The following RIC1 variants were observed in gnomAD, a reference collection of about 807,000 sequenced individuals.
The protein encoded by RIC1 is guanine nucleotide exchange factor subunit RIC1.
Under a neutral mutation model 169.0 loss-of-function variants are expected in RIC1, and 88 were observed. The ratio of observed to expected loss-of-function variants is 0.52; its 90% CI spans 0.44 to 0.62. The LOEUF (loss-of-function observed/expected upper bound fraction) is 0.62. RIC1 is among the 20% of genes least tolerant of loss of function. The pLI is 0.00. For missense variants in RIC1, 1,877 were observed against 1,725.5 expected (o/e 1.09, Z -1.56); for synonymous variants, 790 against 601.5 (o/e 1.31, Z -4.59).
chr9:5,763,028 C>T lies in RIC1; in HGVS notation c.2113-112C>T. 2 of 1,323,546 alleles carry T rather than the reference C, an allele frequency of 1.5e-6. No individual in the cohort carries two copies. The highest frequency in any genetic ancestry group is 2.7e-4 in the Middle Eastern group (1 of 3,646). 82.0% of individuals were successfully genotyped at this position (1,323,546 alleles called of 1,614,324 possible). On this transcript the variant is annotated intron_variant, in intron 18 of 25. Transcript: ENST00000414202. This position sits in a 1 kb window ranked among gnomAD's most constrained non-coding sequence, Gnocchi z 5.2. ...TTCTAATTAGATCCCTTTGCTTTTC[C>T]CAAAAAAATATTATACTATCATTTG...
At chr9:5,722,368 T>TG (rs1248120900) in intron 6 of RIC1, among the ~76,000 whole-genome samples, 4 of 151,094 alleles carry the variant, frequency 2.6e-5, no homozygotes, top group African/African-American at 9.8e-5. Context: ...TGTGTGTGTG[T>TG]GTGTGTGTGT....
At chr9:5,714,897 A>C (rs1823140168) in intron 4 of RIC1, among the ~76,000 whole-genome samples, 1 of 152,154 alleles carries the variant, frequency 6.6e-6, no homozygotes, top group Non-Finnish European at 1.5e-5. Flanking sequence ...GAATTATATG[A>C]ATGTCATGCT....
At chr9:5,647,045 C>A (rs548161595) in intron 1 of RIC1, among the ~76,000 whole-genome samples, 1 of 152,278 alleles carries the variant, frequency 6.6e-6, no homozygotes, top group African/African-American at 2.4e-5. Context: ...GTTTTCCCAG[C>A]ACTGTTTGTT....
chr9:5,770,116 G>A lies in RIC1; in HGVS notation c.3454G>A (p.Ala1152Thr). 1 of 1,613,256 alleles carries A rather than the reference G, an allele frequency of 6.2e-7. No individual in the cohort carries two copies. The highest frequency in any genetic ancestry group is 8.5e-7 in the Non-Finnish European group (1 of 1,179,628). ...AGAGCAGCTGTTAAAGTCTCAATCA[G>A]CTGACCCATTTTTGAACCTTGAGAT... is the stretch of plus-strand genomic sequence containing the variant. ...VGEQLLKSQS[A>T]DPFLNLEMDA... The change falls in exon 23 of 26, where the codon GCT becomes ACT. Residue 1152 changes from alanine to threonine, a missense_variant. Transcript: ENST00000414202.
chr9:5,641,544 G>T (rs1213619579), intron 1 of RIC1, among the ~76,000 whole-genome samples: 2 of 151,916 alleles, frequency 1.3e-5, no homozygotes, highest in Admixed American at 1.3e-4. Context: ...TCCTCTTTAA[G>T]GCCAATACCT....
At position 5,743,601 on chromosome 9, in the gene RIC1, C is replaced by G. The variant is rs192083222; in HGVS notation, c.1047-88C>G. On this transcript the variant is annotated intron_variant, in intron 9 of 25. Transcript: ENST00000414202. ...TATTTCTATTTTAAAGGAGCAAAAT[C>G]CGTTTGATTTTTTAAAAAACACTAA... The G allele has an allele frequency of 2.4e-5, 25 of 1,056,832 alleles. No individual in the cohort carries two copies. The East Asian group carries it at 3.9e-4, about 16-fold the overall frequency. 65.5% of individuals were successfully genotyped at this position (1,056,832 alleles called of 1,614,324 possible). A position where few individuals can be genotyped will look rare whatever the true frequency, so the allele number is the denominator to read the frequency against.
chr9:5,725,579 G>A (rs1270584970), intron 6 of RIC1, among the ~76,000 whole-genome samples: 4 of 151,966 alleles, frequency 2.6e-5, no homozygotes, highest in Non-Finnish European at 5.9e-5. Flanking sequence ...TCTGATCTTA[G>A]TTATTTCTTA....
chr9:5,684,866 A>C (rs1821114783), intron 2 of RIC1, among the ~76,000 whole-genome samples: 1 of 152,186 alleles, frequency 6.6e-6, no homozygotes, highest in Non-Finnish European at 1.5e-5. Flanking sequence ...GAGAATTTTT[A>C]ATCAGGAATG....
downstream of RIC1, among the ~76,000 whole-genome samples, chr9:5,778,611 CAACA>C (rs1484382939): frequency 2.0e-5 from 3 of 152,214 alleles, no homozygotes. Flanking sequence ...TAAAAACACT[CAACA>C]AACATACATT....
chr9:5,719,385 T>A (rs1179264880), intron 4 of RIC1: 1 of 152,238 alleles, frequency 6.6e-6, no homozygotes, highest in African/African-American at 2.4e-5. Flanking sequence ...TTCATAAATA[T>A]TGATAAGTGA....
intron 6 of RIC1, among the ~76,000 whole-genome samples, chr9:5,721,736 TC>T: frequency 6.6e-6 from 1 of 152,318 alleles, no homozygotes; most frequent in African/African-American, 2.4e-5. Flanking sequence ...TGCAGATTTT[TC>T]CTCCTGCTAG....
intron 3 of RIC1, among the ~76,000 whole-genome samples, chr9:5,692,342 A>T (rs1207289690): frequency 6.6e-6 from 1 of 152,118 alleles, no homozygotes; most frequent in Non-Finnish European, 1.5e-5. Context: ...ATAAGATTAA[A>T]TGAGATCATT....
intron 3 of RIC1, 144 bp downstream of exon 3, chr9:5,690,182 T>C: frequency 4.1e-6 from 2 of 483,748 alleles, no homozygotes; most frequent in Non-Finnish European, 3.6e-6. Context: ...TTACCAGGTC[T>C]TTGAACTGTC....
chr9:5,693,315 A>T (rs1488904895), intron 3 of RIC1, among the ~76,000 whole-genome samples: 1 of 152,134 alleles, frequency 6.6e-6, no homozygotes, highest in Non-Finnish European at 1.5e-5. Context: ...TTAACCTCAG[A>T]CTGCATATCC....
intron 1 of RIC1, among the ~76,000 whole-genome samples, chr9:5,637,875 C>T (rs144762799): frequency 3.3e-5 from 5 of 152,262 alleles, no homozygotes; most frequent in African/African-American, 1.2e-4. Flanking sequence ...TGGACACTTC[C>T]AGTACTGTGT....
At chr9:5,682,487 C>T (rs139280894) in intron 2 of RIC1, among the ~76,000 whole-genome samples, 6 of 152,112 alleles carry the variant, frequency 3.9e-5, no homozygotes, top group Admixed American at 3.3e-4. Flanking sequence ...AATATTGGCC[C>T]TCACTCTCTT....
chr9:5,691,073 G>A (rs780538792), intron 3 of RIC1, among the ~76,000 whole-genome samples: 2 of 151,924 alleles, frequency 1.3e-5, no homozygotes, highest in African/African-American at 2.4e-5. Flanking sequence ...ATACACAAAG[G>A]TGTGATAATA....
chr9:5,666,407 G>A (rs1372534118), intron 2 of RIC1, among the ~76,000 whole-genome samples: 1 of 151,916 alleles, frequency 6.6e-6, no homozygotes, highest in East Asian at 1.9e-4. Context: ...TGCTCTTGGT[G>A]GAACTTTCAA....
At chr9:5,649,724 A>T in intron 1 of RIC1, among the ~76,000 whole-genome samples, 1 of 141,148 alleles carries the variant, frequency 7.1e-6, no homozygotes. Flanking sequence ...TCCTTTGGAG[A>T]TGTCATAATT....
Sources: allele counts gnomAD v4.1 joint callset (sites outside exome capture counted in the v4.1 genomes callset), GRCh38; gene constraint gnomAD v4.1.1; non-coding constraint Gnocchi (gnomAD v3.1); transcripts MANE v1.5; gene names NCBI Gene and HGNC (gene_info 2026-07-23, HGNC 2026-07-21).